Variants in ACOX2 observed in about 807,000 individuals in gnomAD.
The protein encoded by ACOX2 is acyl-CoA oxidase 2, also known as peroxisomal acyl-coenzyme A oxidase 2.
In ACOX2, 59 loss-of-function variants were observed where a neutral mutation model predicts 77.5. That is an observed-to-expected ratio of 0.76 (90% CI 0.62 to 0.95). The LOEUF is 0.95. ACOX2 is among the 40% of genes least tolerant of loss of function. The pLI is 0.00. For synonymous variants in ACOX2, 317 were observed against 340.1 expected (o/e 0.93, Z 0.75); for missense variants, 837 against 880.4 (o/e 0.95, Z 0.62).
Position 58,526,319 on chromosome 3 carries a change from T to C in ACOX2, c.1346+147A>G, listed in dbSNP as rs1013274257. ...GATGGTGGCCTAGAAGTGGATAGGT[T>C]AGTCATACTGGGGAATTGGACAGCT... On this transcript the variant is annotated intron_variant, in intron 10 of 14. Transcript: ENST00000302819. The surrounding 1 kb of genome is among the most constrained non-coding windows in gnomAD (Gnocchi z 4.3). 6.8e-6 allele frequency: 6 copies of C among 879,918 alleles called. No homozygotes were observed. In the Admixed American group the frequency reaches 1.7e-4, roughly 26 times the overall value. 54.5% of individuals were successfully genotyped at this position (879,918 alleles called of 1,614,324 possible). A position where few individuals can be genotyped will look rare whatever the true frequency, so the allele number is the denominator to read the frequency against.
chr3:58,506,943 A>C (rs1426080690), intron 14 of ACOX2, among the ~76,000 whole-genome samples: 1 of 152,246 alleles, frequency 6.6e-6, no homozygotes, highest in Non-Finnish European at 1.5e-5. Flanking sequence ...ACATTAAAAA[A>C]TACACTTTAA....
In ACOX2 at chr3:58,534,717, A is replaced by G. The variant is rs888160572; in HGVS notation, c.161-195T>C. On this transcript the variant is annotated intron_variant, in intron 2 of 14. Coordinates refer to ENST00000302819, the MANE Select transcript of ACOX2 (RefSeq NM_003500.4). The surrounding 1 kb of genome is among the most constrained non-coding windows in gnomAD (Gnocchi z 4.8). ...CAAAGCTATGCAGTGGCAGAATTTT[A>G]GGACCAGAATCCAGGTCTTCTGCTG... 2 of 1,408,406 alleles carry G rather than the reference A, an allele frequency of 1.4e-6. No individual in the cohort carries two copies. The highest frequency in any genetic ancestry group is 2.8e-5 in the African/African-American group (2 of 70,776). 87.2% of individuals were successfully genotyped at this position (1,408,406 alleles called of 1,614,324 possible).
rs574007976 is a variant in ACOX2 at position 58,505,266 on chromosome 3, T to A, written c.2004A>T (p.Glu668Asp). The A allele has an allele frequency of 3.1e-6, 5 of 1,613,132 alleles. No homozygotes were observed. In the South Asian group the frequency reaches 5.5e-5, roughly 18 times the overall value. The change falls in exon 15 of 15, where the codon GAA becomes GAT. Residue 668 changes from glutamate (E) to aspartate (D), a missense_variant. Physicochemically the swap from Glu to Asp is conservative, Grantham distance 45. Transcript: ENST00000302819. The surrounding 1 kb of genome is among the most constrained non-coding windows in gnomAD (Gnocchi z 4.4). ...TNTQENPAYE[E>D]YIRPLLQSWR... Reference sequence around the variant, plus strand: ...AACTTTGTAAAAGTGGTCTTATATATTCCTCATAGGCAGGGTTCTCCTGTT... The same window carrying A: ...AACTTTGTAAAAGTGGTCTTATATAATCCTCATAGGCAGGGTTCTCCTGTT...
intron 12 of ACOX2, among the ~76,000 whole-genome samples, chr3:58,518,094 A>G (rs922837876): frequency 2.6e-5 from 4 of 151,406 alleles, no homozygotes; most frequent in Non-Finnish European, 4.4e-5. Context: ...AAAAAAAAAA[A>G]AAAAAAGAAA....
At position 58,534,357 on chromosome 3, in the gene ACOX2, C is replaced by CACCT. The variant is rs765662084; in HGVS notation, c.322_323+2dup. ...CTAGTGGGGCTGCTCGAGGAGTGAG[C>CACCT]ACCTGTAAGCGTAGCCTAATTCACG... On this transcript the variant is annotated splice_region_variant and intron_variant, in intron 3 of 14. Coordinates refer to ENST00000302819, the MANE Select transcript of ACOX2 (RefSeq NM_003500.4). The surrounding 1 kb of genome is among the most constrained non-coding windows in gnomAD (Gnocchi z 4.8). The CACCT allele has an allele frequency of 1.1e-5, 18 of 1,614,094 alleles. No homozygotes were observed. The African/African-American group carries it at 2.3e-4, about 20-fold the overall frequency.
rs1365457575 is a variant in ACOX2, at chr3:58,522,548, T to C, written c.1580A>G (p.Asp527Gly). Residue 527 changes from aspartate (D) to glycine (G), a missense_variant, in exon 12 of 15, where the codon GAC becomes GGC. Asp to Gly is a moderately conservative substitution (Grantham distance 94). Coordinates refer to ENST00000302819, the MANE Select transcript of ACOX2 (RefSeq NM_003500.4). This position sits in a 1 kb window ranked among gnomAD's most constrained non-coding sequence, Gnocchi z 4.3. The part of the protein sequence containing the change: ...HLQTLTQSGA[D>G]QHEAWNQTTV... Reference sequence around the variant, plus strand: ...GGTCTGGTTCCAAGCCTCGTGCTGGTCAGCTCCGGATTGCGTCAGGGTCTG... The same window carrying C: ...GGTCTGGTTCCAAGCCTCGTGCTGGCCAGCTCCGGATTGCGTCAGGGTCTG... 1 of 1,614,056 alleles carries C rather than the reference T, an allele frequency of 6.2e-7. No homozygotes were observed. Among genetic ancestry groups the C allele is most frequent in the Non-Finnish European group, 8.5e-7 (1 of 1,180,036 alleles).
At chr3:58,508,484 A>C (rs1028615399) in intron 14 of ACOX2, among the ~76,000 whole-genome samples, 1 of 152,176 alleles carries the variant, frequency 6.6e-6, no homozygotes, top group Non-Finnish European at 1.5e-5. Context: ...CTGAATACCT[A>C]CTTTTATCTA....
intron 1 of ACOX2, among the ~76,000 whole-genome samples, chr3:58,536,214 G>A (rs866579798): frequency 6.6e-5 from 10 of 151,930 alleles, no homozygotes; most frequent in South Asian, 2.1e-4. Flanking sequence ...CAGCTCCCTC[G>A]TTCCCTGGGT....
In ACOX2 at chr3:58,534,494, A is replaced by T. The variant is rs1231961168; in HGVS notation, c.189T>A (p.Phe63Leu). The change falls in exon 3 of 15, where the codon TTT (phenylalanine) becomes TTA (leucine). Residue 63 changes from phenylalanine (F) to leucine (L), a missense_variant. Phe to Leu is a conservative substitution (Grantham distance 22, BLOSUM62 0). Transcript: ENST00000302819. This position sits in a 1 kb window ranked among gnomAD's most constrained non-coding sequence, Gnocchi z 4.8. ...TCATGAAATAATTGTCCTTACAGCT[A>T]AACTCCGGGTAACTGTGGATGATGC... ...VESIIHSYPEFSCKDNYFMTQ... is the reference protein window; with the variant it reads ...VESIIHSYPELSCKDNYFMTQ... 6.2e-7 allele frequency: 1 copy of T among 1,614,056 alleles called. No individual in the cohort carries two copies. The highest frequency in any genetic ancestry group is 1.3e-5 in the African/African-American group (1 of 74,906).
rs2063435788 is a variant in ACOX2, at chr3:58,531,209, T to C, written c.819+42A>G. ...CAGCCTGCACAAAGCGCAGGTCCCCTCTCCAGGAAGTACAAGTCCCCGGCC... is the reference window on the plus strand; with the variant it reads ...CAGCCTGCACAAAGCGCAGGTCCCCCCTCCAGGAAGTACAAGTCCCCGGCC... On this transcript the variant is annotated intron_variant, in intron 7 of 14. Transcript: ENST00000302819. This position sits in a 1 kb window ranked among gnomAD's most constrained non-coding sequence, Gnocchi z 5.8. The C allele has an allele frequency of 1.9e-6, 3 of 1,578,930 alleles. No homozygotes were observed. Among genetic ancestry groups the C allele is most frequent in the African/African-American group, 1.3e-5 (1 of 74,330 alleles).
chr3:58,535,253 A>G lies in ACOX2; in HGVS notation c.-91-56T>C, dbSNP rs1231011999. 9.4e-6 allele frequency: 9 copies of G among 961,946 alleles called. No homozygotes were observed. Among genetic ancestry groups the G allele is most frequent in the Non-Finnish European group, 9.5e-6 (6 of 630,610 alleles). 59.6% of individuals were successfully genotyped at this position (961,946 alleles called of 1,614,324 possible). On this transcript the variant is annotated intron_variant, in intron 1 of 14. Transcript: ENST00000302819. This position sits in a 1 kb window ranked among gnomAD's most constrained non-coding sequence, Gnocchi z 4.8. Reference sequence around the variant, plus strand: ...GTGTCAGCCAGGGCTGGTTGGTAGAAGAAAGACATCCCTAAGTACCTGAAT... The same window carrying G: ...GTGTCAGCCAGGGCTGGTTGGTAGAGGAAAGACATCCCTAAGTACCTGAAT...
In ACOX2 at chr3:58,505,170, T is replaced by C; in HGVS notation, c.*54A>G. ...AAATTTTAATGTTGCATATATGCCA[T>C]AGTACCATTATCACATGATGGTGCT... On this transcript the variant is annotated 3_prime_UTR_variant, in exon 15 of 15. Coordinates refer to ENST00000302819, the MANE Select transcript of ACOX2 (RefSeq NM_003500.4). This position sits in a 1 kb window ranked among gnomAD's most constrained non-coding sequence, Gnocchi z 4.4. The C allele has an allele frequency of 7.1e-7, 1 of 1,415,372 alleles. No homozygotes were observed. Among genetic ancestry groups the C allele is most frequent in the South Asian group, 1.2e-5 (1 of 82,360 alleles). The allele number at this position is 1,415,372 out of a possible 1,614,324, so 87.7% of individuals were successfully genotyped here. A position where few individuals can be genotyped will look rare whatever the true frequency, so the allele number is the denominator to read the frequency against.
Position 58,534,168 on chromosome 3 carries a change from T to A in ACOX2, c.324-23A>T. Reference sequence around the variant, plus strand: ...GCTCTGTTGGGGAGAGATGCTGTAGTTGAGTAGCTTATTGGAGACAGGGGC... The same window carrying A: ...GCTCTGTTGGGGAGAGATGCTGTAGATGAGTAGCTTATTGGAGACAGGGGC... On this transcript the variant is annotated intron_variant, in intron 3 of 14. Coordinates refer to ENST00000302819, the MANE Select transcript of ACOX2 (RefSeq NM_003500.4). This position sits in a 1 kb window ranked among gnomAD's most constrained non-coding sequence, Gnocchi z 4.8. 1 of 1,613,352 alleles carries A rather than the reference T, an allele frequency of 6.2e-7. No homozygotes were observed. The highest frequency in any genetic ancestry group is 1.1e-5 in the South Asian group (1 of 91,026).
chr3:58,522,531 T>C lies in ACOX2; in HGVS notation c.1597A>G (p.Asn533Asp). The C allele has an allele frequency of 6.2e-7, 1 of 1,614,030 alleles. No individual in the cohort carries two copies. The highest frequency in any genetic ancestry group is 2.2e-5 in the East Asian group (1 of 44,880). ...QSGADQHEAW[N>D]QTTVIHLQAA... Reference sequence around the variant, plus strand: ...TGGAGGTGTATGACAGTGGTCTGGTTCCAAGCCTCGTGCTGGTCAGCTCCG... The same window carrying C: ...TGGAGGTGTATGACAGTGGTCTGGTCCCAAGCCTCGTGCTGGTCAGCTCCG... Residue 533 changes from asparagine (N) to aspartate (D), a missense_variant, in exon 12 of 15, where the codon AAC becomes GAC. By Grantham distance (23) the Asn-to-Asp change is conservative. Transcript: ENST00000302819. This position sits in a 1 kb window ranked among gnomAD's most constrained non-coding sequence, Gnocchi z 4.3.
chr3:58,535,324 A>C lies in ACOX2; in HGVS notation c.-91-127T>G. On this transcript the variant is annotated intron_variant, in intron 1 of 14. Coordinates refer to ENST00000302819, the MANE Select transcript of ACOX2 (RefSeq NM_003500.4). This position sits in a 1 kb window ranked among gnomAD's most constrained non-coding sequence, Gnocchi z 4.8. The stretch of plus-strand genomic sequence containing the variant: ...CCCCTGTGGACACTGGCTGTGGACC[A>C]GGCACTGTGTGCATGGTAGGCATGG... 1.7e-6 allele frequency: 1 copy of C among 600,340 alleles called. No individual in the cohort carries two copies. The highest frequency in any genetic ancestry group is 2.0e-5 in the South Asian group (1 of 49,740). 37.2% of individuals were successfully genotyped at this position (600,340 alleles called of 1,614,324 possible).
chr3:58,525,232 A>G lies in ACOX2; in HGVS notation c.1347-627T>C, dbSNP rs1056286546. 7.2e-5 allele frequency among the ~76,000 whole-genome samples: 11 copies of G among 152,250 alleles called. No individual in the cohort carries two copies. Among genetic ancestry groups the G allele is most frequent in the Non-Finnish European group, 1.2e-4 (8 of 68,036 alleles). On this transcript the variant is annotated intron_variant, in intron 10 of 14. Transcript: ENST00000302819. The surrounding 1 kb of genome is among the most constrained non-coding windows in gnomAD (Gnocchi z 5.0). ...TTGTAGAGTGCTTGGCACAGTGCAG[A>G]GTACATAATATGTGCTATTGTACTC...
At position 58,523,546 on chromosome 3, in the gene ACOX2, CTTA is replaced by C. The variant is rs2063374056; in HGVS notation, c.1526+877_1526+879del. Among the ~76,000 whole-genome samples, 2 of 152,156 alleles carry C rather than the reference CTTA, an allele frequency of 1.3e-5. No individual in the cohort carries two copies. Among genetic ancestry groups the C allele is most frequent in the Non-Finnish European group, 2.9e-5 (2 of 68,026 alleles). ...GACCACAGGTTGGGATATAAGACCT[CTTA>C]TTATATACTGAAAATATGTTTTTCC... On this transcript the variant is annotated intron_variant, in intron 11 of 14. Transcript: ENST00000302819. This position sits in a 1 kb window ranked among gnomAD's most constrained non-coding sequence, Gnocchi z 5.3.
rs992655734 is a variant in ACOX2 at position 58,514,077 on chromosome 3, C to T, written c.1850+3129G>A. Among the ~76,000 whole-genome samples, 4 of 152,150 alleles carry T rather than the reference C, an allele frequency of 2.6e-5. No homozygotes were observed. Among genetic ancestry groups the T allele is most frequent in the Admixed American group, 2.6e-4 (4 of 15,278 alleles). On this transcript the variant is annotated intron_variant, in intron 13 of 14. Coordinates refer to ENST00000302819, the MANE Select transcript of ACOX2 (RefSeq NM_003500.4). The surrounding 1 kb of genome is among the most constrained non-coding windows in gnomAD (Gnocchi z 4.3). ...AAGGGTAGCCTTATTATCAACTATA[C>T]CTGATGCTCCCTAGTCCACAGATCC... is the stretch of plus-strand genomic sequence containing the variant.
chr3:58,510,691 TATATATATATATATATATAC>T (rs2063277617), intron 13 of ACOX2, among the ~76,000 whole-genome samples: 5 of 18,898 alleles, frequency 2.6e-4, no homozygotes, highest in African/African-American at 1.2e-3. Flanking sequence ...TATATATATA[TATATATATATATATATATAC>T]ACACACACAC....
Sources: gnomAD v4.1 joint callset for allele counts (sites outside exome capture counted in the v4.1 genomes callset) on GRCh38, gnomAD v4.1.1 for gene constraint, Gnocchi (gnomAD v3.1) non-coding constraint, MANE v1.5 for transcripts, NCBI Gene and HGNC (gene_info 2026-07-23, HGNC 2026-07-21) for gene names.